SCAPER: variants seen among roughly 807,000 people sequenced by gnomAD.
SCAPER encodes S-phase cyclin A associated protein in the ER.
Under a neutral mutation model 182.2 loss-of-function variants are expected in SCAPER, and 98 were observed. The observed-to-expected ratio is 0.54, with a 90% CI of 0.46 to 0.64. SCAPER has a LOEUF of 0.64. SCAPER is among the 30% of genes least tolerant of loss of function. The pLI, the probability that SCAPER is intolerant of heterozygous loss-of-function variation, is 0.00. For missense variants in SCAPER, 1,432 were observed against 1,690.0 expected, an observed-to-expected ratio of 0.85 and a Z score of 2.68; for synonymous variants, 605 against 564.6, an observed-to-expected ratio of 1.07 and a Z score of -1.01.
chr15:76,639,789 A>T (rs1225300129), intron 21 of SCAPER, among the ~76,000 whole-genome samples: 1 of 151,984 alleles, frequency 6.6e-6, no homozygotes, highest in Non-Finnish European at 1.5e-5. Flanking sequence ...GAGTCCAACA[A>T]AACTATACCA....
chr15:76,752,921 C>G (rs2062181219), intron 15 of SCAPER, among the ~76,000 whole-genome samples: 2 of 151,596 alleles, frequency 1.3e-5, no homozygotes. Flanking sequence ...AAATTAGACT[C>G]TATACATGTA....
intron 1 of SCAPER, among the ~76,000 whole-genome samples, chr15:76,900,951 A>G (rs185898871): frequency 9.6e-4 from 146 of 152,350 alleles, no homozygotes; most frequent in African/African-American, 3.4e-3. Flanking sequence ...CTTTTCCAAC[A>G]TTTAAGAAAA....
intron 26 of SCAPER, among the ~76,000 whole-genome samples, chr15:76,420,235 CTTTTTTTTTTT>C (rs71143323): frequency 8.6e-6 from 1 of 116,912 alleles, no homozygotes; most frequent in African/African-American, 3.3e-5. Flanking sequence ...ATGTTTTTTC[CTTTTTTTTTTT>C]TTTTTTTTTT....
chr15:76,525,058 T>C (rs968472272), intron 23 of SCAPER, among the ~76,000 whole-genome samples: 1 of 152,182 alleles, frequency 6.6e-6, no homozygotes, highest in Admixed American at 6.5e-5. Context: ...GTTAGAATTT[T>C]ATCCTGTTAA....
chr15:76,792,131 T>C lies in SCAPER; in HGVS notation c.772+3149A>G, dbSNP rs150454765. ...TGCTTAAAAAAAAAAGGTCAAATAA[T>C]TGTAAAACTCCAAAAAAAATGATTT... On this transcript the variant is annotated intron_variant, in intron 8 of 31. Coordinates refer to ENST00000563290, the MANE Select transcript of SCAPER (RefSeq NM_020843.4). Among the ~76,000 whole-genome samples the C allele has an allele frequency of 9.2e-5, 14 of 151,548 alleles. No individual in the cohort carries two copies. The East Asian group carries it at 2.2e-3, about 23-fold the overall frequency.
chr15:76,585,074 A>C (rs1050948354), intron 22 of SCAPER, among the ~76,000 whole-genome samples: 4 of 152,170 alleles, frequency 2.6e-5, no homozygotes, highest in African/African-American at 9.7e-5. Context: ...AAGTACCTAT[A>C]CTTGAATTCT....
chr15:76,879,345 C>G (rs2073385783), intron 2 of SCAPER, among the ~76,000 whole-genome samples: 1 of 152,128 alleles, frequency 6.6e-6, no homozygotes, highest in Admixed American at 6.5e-5. Context: ...CCTTTTGTCC[C>G]TAACTCCAGG....
intron 2 of SCAPER, among the ~76,000 whole-genome samples, chr15:76,883,417 T>C (rs2073680598): frequency 1.3e-5 from 2 of 152,200 alleles, no homozygotes; most frequent in African/African-American, 2.4e-5. Flanking sequence ...CCATACCAGA[T>C]TCAAGACCTA....
chr15:76,392,538 C>A (rs2043771745), intron 27 of SCAPER, among the ~76,000 whole-genome samples: 1 of 150,636 alleles, frequency 6.6e-6, no homozygotes, highest in Non-Finnish European at 1.5e-5. Flanking sequence ...GAGTTCGACA[C>A]CAGCCTGGGC....
chr15:76,648,443 G>C (rs988751813), intron 21 of SCAPER, among the ~76,000 whole-genome samples: 1 of 152,106 alleles, frequency 6.6e-6, no homozygotes, highest in African/African-American at 2.4e-5. Context: ...AAGAAAAATA[G>C]ACTGAGGCAG....
chr15:76,641,961 T>G (rs2054141305), intron 21 of SCAPER, among the ~76,000 whole-genome samples: 1 of 152,168 alleles, frequency 6.6e-6, no homozygotes, highest in Non-Finnish European at 1.5e-5. Flanking sequence ...TTCTACCAAT[T>G]AATAGCTATG....
chr15:76,418,629 C>T (rs534600870), intron 26 of SCAPER, among the ~76,000 whole-genome samples: 10 of 152,380 alleles, frequency 6.6e-5, no homozygotes, highest in African/African-American at 2.2e-4. Context: ...ACCATGTTCA[C>T]ATGGGTGCTT....
At chr15:76,656,992 G>C (rs903371434) in intron 21 of SCAPER, among the ~76,000 whole-genome samples, 2 of 151,994 alleles carry the variant, frequency 1.3e-5, no homozygotes, top group Non-Finnish European at 2.9e-5. Flanking sequence ...AGATGAAGTA[G>C]AGGAAGAGGA....
chr15:76,356,591 C>T (rs765982942), intron 29 of SCAPER, among the ~76,000 whole-genome samples: 9 of 152,156 alleles, frequency 5.9e-5, no homozygotes, highest in Non-Finnish European at 1.2e-4. Flanking sequence ...CTCCATTTGC[C>T]TTACTGATGG....
intron 25 of SCAPER, among the ~76,000 whole-genome samples, chr15:76,470,518 T>C (rs777891626): frequency 1.3e-5 from 2 of 152,150 alleles, no homozygotes; most frequent in Non-Finnish European, 2.9e-5. Flanking sequence ...GTACATTGGT[T>C]CTGAAAAATA....
intron 23 of SCAPER, among the ~76,000 whole-genome samples, chr15:76,549,167 T>A (rs138571912): frequency 5.3e-5 from 8 of 151,616 alleles, no homozygotes; most frequent in South Asian, 2.1e-4. Context: ...AAAGAAGACA[T>A]TGATGCAAAA....
At chr15:76,883,287 T>C (rs1268548323) in intron 2 of SCAPER, among the ~76,000 whole-genome samples, 1 of 152,204 alleles carries the variant, frequency 6.6e-6, no homozygotes, top group Non-Finnish European at 1.5e-5. Flanking sequence ...TTTCTCCTCC[T>C]CAATTTGAGT....
At chr15:76,626,886 T>C (rs1378668651) in intron 21 of SCAPER, among the ~76,000 whole-genome samples, 1 of 152,138 alleles carries the variant, frequency 6.6e-6, no homozygotes, top group Non-Finnish European at 1.5e-5. Context: ...GAAAATTGAG[T>C]AAACAATGCT....
intron 24 of SCAPER, among the ~76,000 whole-genome samples, chr15:76,499,170 G>A (rs962925437): frequency 1.3e-5 from 2 of 152,138 alleles, no homozygotes; most frequent in African/African-American, 4.8e-5. Context: ...AAAACTCATG[G>A]AAGTTTAAAG....
Sources: gnomAD v4.1 joint callset for allele counts (sites outside exome capture counted in the v4.1 genomes callset) on GRCh38, gnomAD v4.1.1 for gene constraint, MANE v1.5 for transcripts, NCBI Gene and HGNC (gene_info 2026-07-23, HGNC 2026-07-21) for gene names.